IFT88: variants seen among roughly 807,000 people sequenced by gnomAD.
The protein encoded by IFT88 is intraflagellar transport 88.
In IFT88, 74 loss-of-function variants were observed where a neutral mutation model predicts 119.5. That is an observed-to-expected ratio of 0.62 (90% confidence interval 0.51 to 0.75). The LOEUF (loss-of-function observed/expected upper bound fraction) is 0.75. Among genes scored for constraint, IFT88 ranks in the 30% least tolerant of loss-of-function variants. IFT88 has a pLI of 0.00. For missense variants in IFT88, 961 were observed against 977.7 expected (o/e 0.98, Z 0.23); for synonymous variants, 279 against 316.7 (o/e 0.88, Z 1.26).
rs1332625478 is a variant in IFT88, at chr13:20,641,280, T to G, written c.1574-10T>G. The G allele has an allele frequency of 6.5e-6, 10 of 1,536,818 alleles. No homozygotes were observed. In the South Asian group the frequency reaches 9.6e-5, roughly 15 times the overall value. On this transcript the variant is annotated splice_polypyrimidine_tract_variant and intron_variant, in intron 17 of 25. Coordinates refer to ENST00000351808, the MANE Select transcript of IFT88 (RefSeq NM_006531.5). ...CTTATAGATTTTCTTTTTTTTCTTC[T>G]TTTTTTAAGGCCTTACCTATGAGAA...
chr13:20,596,986 G>A, intron 8 of IFT88, 29 bp from the exon 9 acceptor site: 1 of 1,262,848 alleles, frequency 7.9e-7, no homozygotes, highest in South Asian at 1.4e-5. Context: ...ACACTCAAAG[G>A]AAGTTACAAG....
intron 1 of IFT88, chr13:20,567,868 G>GTTT: frequency 1.1e-4 from 72 of 656,334 alleles, no homozygotes; most frequent in South Asian, 2.2e-4. Context: ...TTTTTTGTTT[G>GTTT]TTTTTTTTTT....
intron 15 of IFT88, among the ~76,000 whole-genome samples, 194 bp downstream of exon 15, chr13:20,626,043 CTTTTTTTTTTTTTTTTTTTTTTTTTT>C (rs528587128): frequency 2.5e-5 from 1 of 39,540 alleles, no homozygotes; most frequent in Non-Finnish European, 4.1e-5. Context: ...TTTGTCGTTT[CTTTTTTTTTTTTTTTTTTTTTTTTTT>C]TTTTTTTTTG....
At chr13:20,601,959 A>G in intron 12 of IFT88, 26 bp downstream of exon 12, 1 of 1,265,370 alleles carries the variant, frequency 7.9e-7, no homozygotes, top group Non-Finnish European at 1.1e-6. Flanking sequence ...ACATTTCTGT[A>G]GCCACTTCCC....
chr13:20,636,915 G>C (rs778662690), intron 16 of IFT88, among the ~76,000 whole-genome samples: 2 of 152,164 alleles, frequency 1.3e-5, no homozygotes, highest in Non-Finnish European at 2.9e-5. Context: ...AACAATGAAT[G>C]GATAAATGAA....
intron 15 of IFT88, among the ~76,000 whole-genome samples, chr13:20,628,061 ATAT>A (rs1421678092): frequency 2.0e-5 from 3 of 152,186 alleles, no homozygotes; most frequent in Non-Finnish European, 2.9e-5. Context: ...TTTGAAAGAA[ATAT>A]TATTAAGTGA....
intron 18 of IFT88, chr13:20,642,475 G>A (rs2497495): frequency 0.16 from 24,915 of 151,940 alleles, 2,355 homozygotes; most frequent in African/African-American, 0.25. Context: ...GTTGTGGCAG[G>A]CACCTGTAAT....
intron 24 of IFT88, among the ~76,000 whole-genome samples, chr13:20,674,542 A>G (rs2056364771): frequency 6.6e-6 from 1 of 151,682 alleles, no homozygotes; most frequent in African/African-American, 2.4e-5. Context: ...TTTGATTTTT[A>G]TGTCTTGGAT....
chr13:20,648,629 T>C (rs892913634), intron 20 of IFT88, among the ~76,000 whole-genome samples: 2 of 151,850 alleles, frequency 1.3e-5, no homozygotes, highest in Non-Finnish European at 2.9e-5. Context: ...AAAAAACATA[T>C]AACACATGCA....
chr13:20,663,733 TAGG>T (rs2054194309), intron 23 of IFT88, 129 bp downstream of exon 23: 2 of 647,328 alleles, frequency 3.1e-6, no homozygotes, highest in Non-Finnish European at 5.3e-6. Context: ...TCTGACATAA[TAGG>T]AGGAATAACT....
rs116291085 is a variant in IFT88 at position 20,679,369 on chromosome 13, G to A, written c.2242+8330G>A. 1.4e-3 allele frequency among the ~76,000 whole-genome samples: 208 copies of A among 152,244 alleles called. 1 individual carries two copies. Among genetic ancestry groups the A allele is most frequent in the African/African-American group, 4.2e-3 (176 of 41,546 alleles). On this transcript the variant is annotated intron_variant, in intron 24 of 25. Coordinates refer to ENST00000351808, the MANE Select transcript of IFT88 (RefSeq NM_006531.5). ...AATGCAGAGCAACTCCAGCTACCACGGCAGTAGCTGTGACAGCAGTCAATC... is the reference window on the plus strand; with the variant it reads ...AATGCAGAGCAACTCCAGCTACCACAGCAGTAGCTGTGACAGCAGTCAATC...
intron 9 of IFT88, among the ~76,000 whole-genome samples, 197 bp downstream of exon 9, chr13:20,597,316 G>C (rs1052498448): frequency 1.3e-5 from 2 of 152,072 alleles, no homozygotes; most frequent in African/African-American, 4.8e-5. Context: ...TATTTAACTA[G>C]TTATTTTAGG....
intron 24 of IFT88, among the ~76,000 whole-genome samples, chr13:20,682,550 C>CT (rs2057441653): frequency 6.6e-6 from 1 of 152,170 alleles, no homozygotes; most frequent in Non-Finnish European, 1.5e-5. Context: ...CTTATGGTTA[C>CT]TTTCTGTGGC....
At chr13:20,681,245 GC>G (rs2057292791) in intron 24 of IFT88, among the ~76,000 whole-genome samples, 1 of 152,222 alleles carries the variant, frequency 6.6e-6, no homozygotes, top group African/African-American at 2.4e-5. Context: ...TGCAGAAGAT[GC>G]CGTTTAATAC....
At chr13:20,630,882 C>T in intron 15 of IFT88, 134 bp from the exon 16 acceptor site, 9 of 498,224 alleles carry the variant, frequency 1.8e-5, no homozygotes, top group South Asian at 4.4e-5. Flanking sequence ...AATCTGTTTT[C>T]TTGAACATCT....
At chr13:20,599,650 T>C (rs2042279436) in intron 11 of IFT88, 85 bp downstream of exon 11, 2 of 650,620 alleles carry the variant, frequency 3.1e-6, no homozygotes, top group African/African-American at 3.8e-5. Context: ...TTTCAGTGGG[T>C]TGAACATTTC....
intron 11 of IFT88, among the ~76,000 whole-genome samples, 162 bp downstream of exon 11, chr13:20,599,727 C>T (rs966339632): frequency 6.6e-6 from 1 of 152,072 alleles, no homozygotes; most frequent in Admixed American, 6.5e-5. Flanking sequence ...TACTTGTACA[C>T]ATTTTTATAA....
intron 2 of IFT88, among the ~76,000 whole-genome samples, chr13:20,578,174 A>T (rs1417503094): frequency 6.7e-6 from 1 of 148,720 alleles, no homozygotes; most frequent in African/African-American, 2.5e-5. Flanking sequence ...CCTCCCGAGT[A>T]GCTGGGACCA....
At chr13:20,591,554 G>A (rs368732998) in intron 5 of IFT88, 64 bp from the exon 6 acceptor site, 84 of 1,242,894 alleles carry the variant, frequency 6.8e-5, no homozygotes, top group Middle Eastern at 3.8e-4. Context: ...TGTGTGTAAT[G>A]TGCAGAACTG....
Sources: allele counts gnomAD v4.1 joint callset (sites outside exome capture counted in the v4.1 genomes callset), GRCh38; gene constraint gnomAD v4.1.1; transcripts MANE v1.5; gene names NCBI Gene and HGNC (gene_info 2026-07-23, HGNC 2026-07-21).